Variants in DRC10 observed in about 807,000 individuals in gnomAD.
DRC10 encodes the protein dynein regulatory complex subunit 10, also known as IQ domain-containing protein D.
chr12:113,195,785 C>G, the DRC10 span: 1 of 1,614,006 alleles, frequency 6.2e-7, no homozygotes, highest in Non-Finnish European at 8.5e-7. Flanking sequence ...CCCGCTCTTC[C>G]CGGATCTGCG....
the DRC10 span, among the ~76,000 whole-genome samples, chr12:113,215,823 T>C: frequency 6.6e-6 from 1 of 152,232 alleles, no homozygotes; most frequent in Non-Finnish European, 1.5e-5. Flanking sequence ...AATATTTAAC[T>C]ACTACACACC....
the DRC10 span, among the ~76,000 whole-genome samples, chr12:113,197,352 CTT>C: frequency 6.6e-6 from 1 of 152,058 alleles, no homozygotes; most frequent in African/African-American, 2.4e-5. Context: ...GCTTCTGGCT[CTT>C]TTCTTTCCCA....
chr12:113,197,288 C>G, the DRC10 span, among the ~76,000 whole-genome samples: 1 of 150,718 alleles, frequency 6.6e-6, no homozygotes, highest in South Asian at 2.1e-4. Context: ...CCTCCCACCT[C>G]AGCCTCCCAA....
chr12:113,208,852 A>G, the DRC10 span, among the ~76,000 whole-genome samples: 20 of 152,220 alleles, frequency 1.3e-4, no homozygotes, highest in Non-Finnish European at 2.8e-4. Context: ...TCTGAGCAGG[A>G]CAGGGACAGG....
chr12:113,217,324 A>AT, the DRC10 span, among the ~76,000 whole-genome samples: 270 of 146,838 alleles, frequency 1.8e-3, 1 homozygote, highest in African/African-American at 5.1e-3. Flanking sequence ...CACACGTGTA[A>AT]TTTTTTTTTT....
chr12:113,200,661 G>C, the DRC10 span: 1 of 1,536,182 alleles, frequency 6.5e-7, no homozygotes. Context: ...TCTCCTGCTG[G>C]ATCTTGGCCA....
At chr12:113,196,038 T>C in the DRC10 span, 16 of 1,242,662 alleles carry the variant, frequency 1.3e-5, no homozygotes, top group Admixed American at 5.8e-5. Context: ...CCCAGTGACA[T>C]GGATGGGGAG....
the DRC10 span, among the ~76,000 whole-genome samples, chr12:113,203,777 ATTTTTT>A: frequency 1.1e-4 from 11 of 96,968 alleles, no homozygotes; most frequent in East Asian, 3.1e-4. Flanking sequence ...TGCCCAGCTA[ATTTTTT>A]TTTTTTTTTT....
chr12:113,197,450 T>C, the DRC10 span: 4 of 885,620 alleles, frequency 4.5e-6, no homozygotes, highest in South Asian at 1.4e-5. Flanking sequence ...GCCCACTCCA[T>C]GGACCATCCC....
At chr12:113,203,224 C>T in the DRC10 span, 7 of 332,746 alleles carry the variant, frequency 2.1e-5, no homozygotes, top group Admixed American at 1.1e-4. Context: ...AGGGTTTTGC[C>T]GTGTTGCCCA....
the DRC10 span, among the ~76,000 whole-genome samples, chr12:113,217,448 C>T: frequency 1.3e-5 from 2 of 152,140 alleles, no homozygotes; most frequent in Non-Finnish European, 2.9e-5. Context: ...CACTACAATC[C>T]AGTTTTAGAA....
chr12:113,207,760 A>G, the DRC10 span: 1 of 1,614,158 alleles, frequency 6.2e-7, no homozygotes, highest in Non-Finnish European at 8.5e-7. Context: ...GGATTTCTGC[A>G]GCTCTATGGA....
chr12:113,214,719 C>A, the DRC10 span, among the ~76,000 whole-genome samples: 7 of 152,106 alleles, frequency 4.6e-5, no homozygotes, highest in Admixed American at 2.6e-4. Flanking sequence ...TGTAGGCCAA[C>A]AATTGGCCTA....
the DRC10 span, among the ~76,000 whole-genome samples, chr12:113,210,469 C>T: frequency 2.0e-5 from 3 of 152,116 alleles, no homozygotes; most frequent in Non-Finnish European, 4.4e-5. Flanking sequence ...TGAACGAACA[C>T]CTACTGCCTT....
At chr12:113,200,316 C>A in the DRC10 span, 1 of 631,364 alleles carries the variant, frequency 1.6e-6, no homozygotes. Flanking sequence ...ACAAAGCTGG[C>A]ATGCAGCAAT....
At chr12:113,207,156 T>C in the DRC10 span, 1 of 437,086 alleles carries the variant, frequency 2.3e-6, no homozygotes, top group Non-Finnish European at 4.2e-6. Context: ...TAGACCAGCC[T>C]GGCCAACATG....
chr12:113,203,011 T>C, the DRC10 span: 1 of 455,124 alleles, frequency 2.2e-6, no homozygotes, highest in Non-Finnish European at 4.4e-6. Context: ...ATTATTAGGG[T>C]TTGGGATCAT....
At chr12:113,200,591 C>T in the DRC10 span, 2 of 1,535,672 alleles carry the variant, frequency 1.3e-6, no homozygotes, top group Non-Finnish European at 1.7e-6. Context: ...TTCCTCAGCG[C>T]CTGCTCTGCC....
the DRC10 span, among the ~76,000 whole-genome samples, chr12:113,219,812 A>G: frequency 6.6e-6 from 1 of 151,398 alleles, no homozygotes; most frequent in East Asian, 1.9e-4. Flanking sequence ...TTATTTATTT[A>G]TTTATTTATT....
Sources: allele counts gnomAD v4.1 joint callset (sites outside exome capture counted in the v4.1 genomes callset), GRCh38; gene constraint gnomAD v4.1.1; transcripts MANE v1.5; gene names NCBI Gene and HGNC (gene_info 2026-07-23, HGNC 2026-07-21).